The following FOXP1 variants were observed in gnomAD, a reference collection of about 807,000 sequenced individuals.
FOXP1 encodes forkhead box protein P1.
A neutral mutation model predicts 98.2 loss-of-function variants in FOXP1; 15 were observed. The observed-to-expected ratio is 0.15, with a 90% CI of 0.10 to 0.24. The LOEUF (loss-of-function observed/expected upper bound fraction) is 0.24. Among genes scored for constraint, FOXP1 ranks in the 10% least tolerant of loss-of-function variants. The pLI, the probability that FOXP1 is intolerant of heterozygous loss-of-function variation, is 1.00. For synonymous variants in FOXP1, 371 were observed against 314.5 expected (o/e 1.18, Z -1.90); for missense variants, 633 against 848.5 (o/e 0.75, Z 3.15).
At chr3:71,079,823 G>A (rs968897653) in intron 7 of FOXP1, among the ~76,000 whole-genome samples, 9 of 152,218 alleles carry the variant, frequency 5.9e-5, no homozygotes, top group Non-Finnish European at 1.3e-4. Flanking sequence ...ATGCATAGAT[G>A]AGCGAGCTTA....
intron 4 of FOXP1, among the ~76,000 whole-genome samples, chr3:71,314,521 C>T (rs549990047): frequency 2.6e-5 from 3 of 117,022 alleles, no homozygotes; most frequent in East Asian, 4.0e-4. Flanking sequence ...AGTAAGACTC[C>T]GTCTAAAAAA....
chr3:71,261,676 C>T (rs1323140826), intron 5 of FOXP1, among the ~76,000 whole-genome samples: 2 of 152,002 alleles, frequency 1.3e-5, no homozygotes, highest in Non-Finnish European at 2.9e-5. Context: ...TGAAAACATT[C>T]GCACATTTCA....
intron 5 of FOXP1, among the ~76,000 whole-genome samples, chr3:71,218,774 A>G (rs567987980): frequency 6.6e-6 from 1 of 152,298 alleles, no homozygotes; most frequent in South Asian, 2.1e-4. Context: ...AGCGCATAGA[A>G]CTGTAGTTTG....
chr3:71,063,046 G>C (rs1294890699), intron 7 of FOXP1, among the ~76,000 whole-genome samples: 2 of 152,180 alleles, frequency 1.3e-5, no homozygotes, highest in Non-Finnish European at 2.9e-5. Flanking sequence ...GCCTGAAAGG[G>C]CTAATGCAGT....
intron 2 of FOXP1, among the ~76,000 whole-genome samples, chr3:71,511,905 A>G (rs545963405): frequency 6.6e-5 from 10 of 152,328 alleles, no homozygotes; most frequent in African/African-American, 2.4e-4. Flanking sequence ...TTTTTTGGAA[A>G]CTAAATTAAT....
At chr3:71,387,373 TA>T (rs2080672109) in intron 3 of FOXP1, among the ~76,000 whole-genome samples, 1 of 152,254 alleles carries the variant, frequency 6.6e-6, no homozygotes, top group South Asian at 2.1e-4. Flanking sequence ...CATTAGTTAG[TA>T]AATATATCCC....
At chr3:71,396,923 TATATATATATAC>T (rs2081425390) in intron 3 of FOXP1, among the ~76,000 whole-genome samples, 1 of 106,532 alleles carries the variant, frequency 9.4e-6, no homozygotes, top group African/African-American at 4.1e-5. Flanking sequence ...TGTGTGTATA[TATATATATATAC>T]ACATATATAT....
intron 2 of FOXP1, chr3:71,541,912 C>A: frequency 2.0e-6 from 1 of 500,390 alleles, no homozygotes; most frequent in Non-Finnish European, 4.1e-6. Context: ...AGTCAACACT[C>A]GAGGTTTGAC....
At chr3:71,335,797 G>T (rs2076627805) in intron 4 of FOXP1, among the ~76,000 whole-genome samples, 1 of 151,998 alleles carries the variant, frequency 6.6e-6, no homozygotes, top group African/African-American at 2.4e-5. Flanking sequence ...CTGAGTTCAG[G>T]AGTTTGAGAC....
chr3:71,286,636 T>C (rs983981642), intron 5 of FOXP1, among the ~76,000 whole-genome samples: 5 of 152,118 alleles, frequency 3.3e-5, no homozygotes, highest in Admixed American at 2.6e-4. Flanking sequence ...AAGTTCCTTA[T>C]CTAACAAGCT....
At chr3:71,412,082 C>A (rs1241989947) in intron 3 of FOXP1, among the ~76,000 whole-genome samples, 3 of 152,212 alleles carry the variant, frequency 2.0e-5, no homozygotes, top group African/African-American at 7.2e-5. Context: ...TCTCTCCCTG[C>A]AGTCCTTGAA....
At chr3:71,308,804 T>TGTGG (rs1374994272) in intron 4 of FOXP1, among the ~76,000 whole-genome samples, 47 of 128,144 alleles carry the variant, frequency 3.7e-4, no homozygotes, top group Middle Eastern at 8.6e-3. Context: ...TGTGTGTGTG[T>TGTGG]GTGGGTGAGG....
intron 3 of FOXP1, among the ~76,000 whole-genome samples, chr3:71,457,431 A>G (rs2087610822): frequency 6.6e-6 from 1 of 152,220 alleles, no homozygotes; most frequent in African/African-American, 2.4e-5. Context: ...TGCCAGGTAC[A>G]TACCTAAAAT....
At chr3:71,485,786 A>AC (rs1445194833) in intron 3 of FOXP1, among the ~76,000 whole-genome samples, 2 of 151,976 alleles carry the variant, frequency 1.3e-5, no homozygotes, top group Non-Finnish European at 2.9e-5. Flanking sequence ...AAAAAAAAAA[A>AC]AGAACCACAG....
chr3:71,169,864 CTTCTA>C (rs747361305), intron 6 of FOXP1, among the ~76,000 whole-genome samples: 1 of 151,730 alleles, frequency 6.6e-6, no homozygotes, highest in Non-Finnish European at 1.5e-5. Context: ...GAAGAAGGCT[CTTCTA>C]TTTTGGTTCA....
intron 3 of FOXP1, among the ~76,000 whole-genome samples, chr3:71,396,146 C>G (rs765540119): frequency 2.6e-5 from 4 of 151,944 alleles, no homozygotes; most frequent in Non-Finnish European, 5.9e-5. Flanking sequence ...AGAGTTCAGT[C>G]TAACTTGAAC....
intron 5 of FOXP1, among the ~76,000 whole-genome samples, chr3:71,249,859 A>G (rs1158531592): frequency 6.6e-6 from 1 of 151,850 alleles, no homozygotes; most frequent in Admixed American, 6.6e-5. Flanking sequence ...TGTCAACCAG[A>G]CTCCCCATGC....
At chr3:71,418,897 T>C (rs1288525282) in intron 3 of FOXP1, among the ~76,000 whole-genome samples, 1 of 146,996 alleles carries the variant, frequency 6.8e-6, no homozygotes, top group Non-Finnish European at 1.5e-5. Flanking sequence ...AGGCCAGGAG[T>C]TCCAGACCAA....
chr3:71,048,620 T>C (rs555488495), intron 9 of FOXP1, among the ~76,000 whole-genome samples: 19 of 152,274 alleles, frequency 1.2e-4, no homozygotes, highest in African/African-American at 4.6e-4. Flanking sequence ...TCCAATTGTT[T>C]TCACCCCTTC....
Sources: allele counts gnomAD v4.1 joint callset (sites outside exome capture counted in the v4.1 genomes callset), GRCh38; gene constraint gnomAD v4.1.1; transcripts MANE v1.5; gene names NCBI Gene and HGNC (gene_info 2026-07-23, HGNC 2026-07-21).